The following TEX10 variants were observed in gnomAD, a reference collection of about 807,000 sequenced individuals.
The protein encoded by TEX10 is testis-expressed protein 10.
TEX10 carries 24 observed loss-of-function variants against 104.4 expected under a neutral mutation model. The observed-to-expected ratio is 0.23, with a 90% CI of 0.17 to 0.32. The LOEUF (loss-of-function observed/expected upper bound fraction) is 0.32, where lower values mean the gene tolerates loss of function less well. Among genes scored for constraint, TEX10 ranks in the 10% least tolerant of loss-of-function variants. The pLI is 1.00. For synonymous variants in TEX10, 396 were observed against 393.4 expected (o/e 1.01, Z -0.08); for missense variants, 921 against 1,083.9 (o/e 0.85, Z 2.11).
chr9:100,320,646 A>G lies in TEX10; in HGVS notation c.2069-248T>C, dbSNP rs975875069. Among the ~76,000 whole-genome samples, 11 of 152,354 alleles carry G rather than the reference A, an allele frequency of 7.2e-5. No homozygotes were observed. The South Asian group carries it at 1.9e-3, about 26-fold the overall frequency. On this transcript the variant is annotated intron_variant, in intron 10 of 14. Coordinates refer to ENST00000374902, the MANE Select transcript of TEX10 (RefSeq NM_017746.4). ...TATAATATAGCAAGAAACAGGTTTT[A>G]CCACTTCTACTAGGGTTTTGACAAT...
At chr9:100,351,310 T>A (rs1033162193) in intron 1 of TEX10, among the ~76,000 whole-genome samples, 10 of 151,298 alleles carry the variant, frequency 6.6e-5, no homozygotes, top group Admixed American at 3.3e-4. Flanking sequence ...CTTATTTCAT[T>A]TGTCCCTATT....
chr9:100,343,378 G>T (rs1261142207), intron 4 of TEX10, among the ~76,000 whole-genome samples: 2 of 149,536 alleles, frequency 1.3e-5, no homozygotes, highest in Non-Finnish European at 3.0e-5. Context: ...TAGTGCCAAG[G>T]TAATCAAATG....
chr9:100,303,996 A>C, intron 13 of TEX10, 154 bp from the exon 14 acceptor site: 1 of 687,508 alleles, frequency 1.5e-6, no homozygotes. Flanking sequence ...TCTCACTTAC[A>C]ATAGCCACAC....
At chr9:100,343,143 A>G (rs906507674) in intron 4 of TEX10, among the ~76,000 whole-genome samples, 20 of 146,390 alleles carry the variant, frequency 1.4e-4, no homozygotes, top group African/African-American at 5.1e-4. Flanking sequence ...TCTCCAAAAA[A>G]AAATAAATAA....
At chr9:100,324,175 T>C (rs779727480) in intron 9 of TEX10, among the ~76,000 whole-genome samples, 7 of 151,874 alleles carry the variant, frequency 4.6e-5, no homozygotes, top group Non-Finnish European at 8.8e-5. Flanking sequence ...TGGGGTTACA[T>C]GCATGAGCCG....
chr9:100,306,597 A>C (rs571127352), intron 13 of TEX10: 5 of 152,330 alleles, frequency 3.3e-5, no homozygotes, highest in African/African-American at 1.2e-4. Flanking sequence ...TGTGAAATCA[A>C]AGGCTCCCCA....
intron 11 of TEX10, among the ~76,000 whole-genome samples, chr9:100,312,653 C>T (rs969239414): frequency 1.3e-5 from 2 of 152,182 alleles, no homozygotes; most frequent in African/African-American, 2.4e-5. Flanking sequence ...AATATAATCT[C>T]CTCTTTCACA....
chr9:100,338,413 C>T (rs1031209559), intron 5 of TEX10, among the ~76,000 whole-genome samples: 2 of 152,178 alleles, frequency 1.3e-5, no homozygotes, highest in Non-Finnish European at 2.9e-5. Context: ...GATATCAGTA[C>T]CTGCCTGAGG....
chr9:100,303,778 G>A lies in TEX10; in HGVS notation c.2530C>T (p.Leu844=). 1 of 1,614,114 alleles carries A rather than the reference G, an allele frequency of 6.2e-7. No homozygotes were observed. The highest frequency in any genetic ancestry group is 1.7e-5 in the Admixed American group (1 of 60,014). Residue 844 remains leucine, a synonymous_variant, in exon 14 of 15, where the codon CTG becomes TTG. Coordinates refer to ENST00000374902, the MANE Select transcript of TEX10 (RefSeq NM_017746.4). Reference sequence around the variant, plus strand: ...ACTCTGTTCACCCGCAGGCTCTGCAGCATCAACCTGAGGACTCGAGGCAAG... The same window carrying A: ...ACTCTGTTCACCCGCAGGCTCTGCAACATCAACCTGAGGACTCGAGGCAAG... ...ALLPRVLRLM[L]QSLRVNRVGP... is the part of the protein sequence containing the mutation.
chr9:100,310,868 C>T (rs565581511), intron 11 of TEX10, among the ~76,000 whole-genome samples: 1 of 152,278 alleles, frequency 6.6e-6, no homozygotes, highest in Non-Finnish European at 1.5e-5. Context: ...AATAATTCAT[C>T]TACTAATCAT....
At chr9:100,312,554 G>A (rs1388325723) in intron 11 of TEX10, among the ~76,000 whole-genome samples, 2 of 152,168 alleles carry the variant, frequency 1.3e-5, no homozygotes, top group Non-Finnish European at 2.9e-5. Context: ...ACATCCAACA[G>A]CAATAAGCAC....
chr9:100,352,847 G>C lies in TEX10; in HGVS notation c.-85C>G, dbSNP rs1463218972. The C allele has an allele frequency of 3.0e-6, 3 of 1,013,758 alleles. No individual in the cohort carries two copies. The highest frequency in any genetic ancestry group is 1.0e-4 in the East Asian group (1 of 9,806). 62.8% of individuals were successfully genotyped at this position (1,013,758 alleles called of 1,614,324 possible). A position where few individuals can be genotyped will look rare whatever the true frequency, so the allele number is the denominator to read the frequency against. On this transcript the variant is annotated 5_prime_UTR_variant, in exon 1 of 15. Coordinates refer to ENST00000374902, the MANE Select transcript of TEX10 (RefSeq NM_017746.4). Reference sequence around the variant, plus strand: ...GAGCAGAAGCCCACGGGGCAACAGCGTGCGCCGCCGACCTCAGGCTCTAGC... The same window carrying C: ...GAGCAGAAGCCCACGGGGCAACAGCCTGCGCCGCCGACCTCAGGCTCTAGC...
At chr9:100,309,480 T>C (rs923577443) in intron 12 of TEX10, among the ~76,000 whole-genome samples, 17 of 152,088 alleles carry the variant, frequency 1.1e-4, no homozygotes, top group African/African-American at 4.1e-4. Context: ...GAATAATGAA[T>C]GTAGTCAACG....
chr9:100,332,338 G>A (rs1046728068), intron 5 of TEX10, among the ~76,000 whole-genome samples: 10 of 152,270 alleles, frequency 6.6e-5, no homozygotes, highest in African/African-American at 2.2e-4. Flanking sequence ...GTTTATCTCA[G>A]GCAGCATAAT....
chr9:100,310,434 A>C (rs1170798547), intron 11 of TEX10, 55 bp from the exon 12 acceptor site: 2 of 1,473,452 alleles, frequency 1.4e-6, no homozygotes, highest in African/African-American at 1.4e-5. Flanking sequence ...GATCAGAAAC[A>C]AGTTCAACAG....
At position 100,349,215 on chromosome 9, in the gene TEX10, A is replaced by G; in HGVS notation, c.149T>C (p.Leu50Pro). 1 of 1,552,288 alleles carries G rather than the reference A, an allele frequency of 6.4e-7. No homozygotes were observed. The highest frequency in any genetic ancestry group is 1.4e-5 in the African/African-American group (1 of 71,820). The change falls in exon 2 of 15, where the codon CTT (leucine) becomes CCT (proline). Residue 50 changes from leucine to proline, a missense_variant. Leu to Pro is a moderately conservative substitution (Grantham distance 98). Coordinates refer to ENST00000374902, the MANE Select transcript of TEX10 (RefSeq NM_017746.4). ...LPEQLKEDGT[L>P]PTNNRKLNIK... ...GTTAAGTTTTCTATTGTTTGTTGGAAGTGTTCCATCCTCTTTGAGTTGCTC... is the reference window on the plus strand; with the variant it reads ...GTTAAGTTTTCTATTGTTTGTTGGAGGTGTTCCATCCTCTTTGAGTTGCTC...
chr9:100,303,347 C>T (rs936406710), intron 14 of TEX10, among the ~76,000 whole-genome samples: 4 of 151,908 alleles, frequency 2.6e-5, no homozygotes, highest in Non-Finnish European at 5.9e-5. Flanking sequence ...ACTCTGATGC[C>T]CTTACCTTTT....
At chr9:100,326,921 G>A (rs769524988) in intron 8 of TEX10, among the ~76,000 whole-genome samples, 3 of 151,998 alleles carry the variant, frequency 2.0e-5, no homozygotes, top group African/African-American at 4.8e-5. Flanking sequence ...CACAAAAGGT[G>A]GAAACCACTC....
chr9:100,324,495 T>C (rs578200195), intron 9 of TEX10, among the ~76,000 whole-genome samples: 4 of 152,280 alleles, frequency 2.6e-5, no homozygotes, highest in African/African-American at 9.6e-5. Context: ...GTACAAATAC[T>C]AAAAAGCAAA....
Sources: allele counts gnomAD v4.1 joint callset (sites outside exome capture counted in the v4.1 genomes callset), GRCh38; gene constraint gnomAD v4.1.1; transcripts MANE v1.5; gene names NCBI Gene and HGNC (gene_info 2026-07-23, HGNC 2026-07-21).